Variants in SLX9 observed in about 807,000 individuals in gnomAD.
SLX9 encodes SLX9 ribosome biogenesis factor.
Under a neutral mutation model 20.8 loss-of-function variants are expected in SLX9, and 19 were observed. That is an observed-to-expected ratio of 0.91 (90% CI 0.64 to 1.34). SLX9 has a LOEUF of 1.34. SLX9 is among the 40% of genes most tolerant of loss of function. The pLI is 0.00. For missense variants in SLX9, 299 were observed against 322.2 expected (o/e 0.93, Z 0.55); for synonymous variants, 113 against 137.1 (o/e 0.82, Z 1.23).
At position 44,946,407 on chromosome 21, in the gene SLX9, T is replaced by C. The variant is rs796795420; in HGVS notation, c.283+2570T>C. Among the ~76,000 whole-genome samples, 4 of 152,216 alleles carry C rather than the reference T, an allele frequency of 2.6e-5. No homozygotes were observed. The South Asian group carries it at 6.2e-4, about 24-fold the overall frequency. On this transcript the variant is annotated intron_variant, in intron 2 of 5. Coordinates refer to ENST00000291634, the MANE Select transcript of SLX9 (RefSeq NM_058190.4). ...CCTGCTTGTGTGCAGGTGTTTCCCATAGCCCGCCTTGAGGGGCACGAGGAT... is the reference window on the plus strand; with the variant it reads ...CCTGCTTGTGTGCAGGTGTTTCCCACAGCCCGCCTTGAGGGGCACGAGGAT...
Position 44,943,716 on chromosome 21 carries a change from C to G in SLX9, c.162C>G (p.Ala54=). 2 of 1,614,146 alleles carry G rather than the reference C, an allele frequency of 1.2e-6. No homozygotes were observed. Among genetic ancestry groups the G allele is most frequent in the Non-Finnish European group, 1.7e-6 (2 of 1,180,012 alleles). The change falls in exon 2 of 6, where the codon GCC becomes GCG. Residue 54 remains alanine, a synonymous_variant. Coordinates refer to ENST00000291634, the MANE Select transcript of SLX9 (RefSeq NM_058190.4). ...CGTTCATCAACACCAACATCTTTGCCAGGACCAAGATAGACCCCAGCGCCT... is the reference window on the plus strand; with the variant it reads ...CGTTCATCAACACCAACATCTTTGCGAGGACCAAGATAGACCCCAGCGCCT... ...DWAFINTNIF[A]RTKIDPSALV...
chr21:44,973,070 TGCAGTGGTTTG>T (rs1417213087), intron 4 of SLX9, 116 bp from the exon 5 acceptor site: 1 of 613,166 alleles, frequency 1.6e-6, no homozygotes, highest in Non-Finnish European at 2.3e-6. Flanking sequence ...CTTGTGGTTC[TGCAGTGGTTTG>T]GTCACCTCTG....
In SLX9 at chr21:44,948,935, C is replaced by T. The variant is rs142053666; in HGVS notation, c.283+5098C>T. ...GTGGGGTCCGGCCATTGCAGGCCAG[C>T]GCCAAGCCACCCTCAGCCCCCGCCT... On this transcript the variant is annotated intron_variant, in intron 2 of 5. Coordinates refer to ENST00000291634, the MANE Select transcript of SLX9 (RefSeq NM_058190.4). Among the ~76,000 whole-genome samples the T allele has an allele frequency of 5.5e-4, 84 of 152,298 alleles. 2 individuals are homozygous for T. Among genetic ancestry groups the T allele is most frequent in the African/African-American group, 2.0e-3 (82 of 41,572 alleles).
intron 4 of SLX9, among the ~76,000 whole-genome samples, chr21:44,970,845 C>T (rs1293766252): frequency 1.3e-5 from 2 of 152,196 alleles, no homozygotes; most frequent in African/African-American, 4.8e-5. Flanking sequence ...GCATTGGGTC[C>T]TTGCCCCACG....
intron 2 of SLX9, chr21:44,959,361 T>G: frequency 1.5e-6 from 1 of 649,284 alleles, no homozygotes; most frequent in Non-Finnish European, 1.9e-6. Flanking sequence ...GGGGTGCCCT[T>G]GAGTCCACTC....
At chr21:44,961,002 G>T (rs568528245) in intron 3 of SLX9, among the ~76,000 whole-genome samples, 2 of 152,294 alleles carry the variant, frequency 1.3e-5, no homozygotes, top group African/African-American at 4.8e-5. Context: ...TTTTTCAGAG[G>T]TAGGACCTAG....
At chr21:44,940,211 G>A in intron 1 of SLX9, 25 bp downstream of exon 1, 2 of 1,221,996 alleles carry the variant, frequency 1.6e-6, no homozygotes, top group Non-Finnish European at 1.0e-6. Flanking sequence ...CGCTGGCCGG[G>A]GGCTGCCGCG....
intron 3 of SLX9, among the ~76,000 whole-genome samples, chr21:44,965,942 G>A (rs768718121): frequency 7.9e-5 from 12 of 152,260 alleles, no homozygotes; most frequent in South Asian, 4.1e-4. Flanking sequence ...TGGAGTAAGC[G>A]CTGGATTCTT....
In SLX9 at chr21:44,967,080, G is replaced by C. The variant is rs1449347303; in HGVS notation, c.399G>C (p.Arg133=). The part of the protein sequence containing the change: ...KLAEQKHREE[R]RRRATVVVGD... Reference sequence around the variant, plus strand: ...CTGAGCAGAAGCACAGGGAGGAGCGGAGGCGGAGGGCCACGGTGGTGGTGG... The same window carrying C: ...CTGAGCAGAAGCACAGGGAGGAGCGCAGGCGGAGGGCCACGGTGGTGGTGG... The change falls in exon 4 of 6, where the codon CGG becomes CGC. Residue 133 remains arginine (R), a synonymous_variant. Coordinates refer to ENST00000291634, the MANE Select transcript of SLX9 (RefSeq NM_058190.4). 6.2e-7 allele frequency: 1 copy of C among 1,611,666 alleles called. No individual in the cohort carries two copies. Among genetic ancestry groups the C allele is most frequent in the Non-Finnish European group, 8.5e-7 (1 of 1,179,702 alleles).
chr21:44,966,405 A>T (rs147714799), intron 3 of SLX9, among the ~76,000 whole-genome samples: 6 of 152,340 alleles, frequency 3.9e-5, no homozygotes, highest in Admixed American at 3.9e-4. Context: ...TCCAGGAGCC[A>T]CGTGCAGTGA....
intron 3 of SLX9, among the ~76,000 whole-genome samples, chr21:44,964,361 T>C (rs1425512185): frequency 6.6e-6 from 1 of 152,196 alleles, no homozygotes; most frequent in African/African-American, 2.4e-5. Context: ...CCCCAATATG[T>C]GTTGAAATTT....
At chr21:44,959,132 T>A (rs2084910027) in intron 2 of SLX9, 1 of 873,938 alleles carries the variant, frequency 1.1e-6, no homozygotes, top group South Asian at 5.3e-5. Context: ...CTTGGAGGTT[T>A]CACACCGGCT....
chr21:44,967,010 C>G, intron 3 of SLX9, 24 bp from the exon 4 acceptor site: 1 of 1,595,454 alleles, frequency 6.3e-7, no homozygotes, highest in Non-Finnish European at 8.5e-7. Context: ...TTGTTTGCCT[C>G]TAACGTCGTT....
intron 3 of SLX9, 109 bp downstream of exon 3, chr21:44,960,277 G>A (rs1194538240): frequency 4.4e-5 from 46 of 1,049,808 alleles, no homozygotes; most frequent in Middle Eastern, 2.0e-4. Flanking sequence ...CACACTCCCC[G>A]AGGAGTGCCC....
intron 3 of SLX9, among the ~76,000 whole-genome samples, chr21:44,962,682 C>G (rs2084966167): frequency 1.3e-5 from 2 of 152,116 alleles, no homozygotes; most frequent in Non-Finnish European, 2.9e-5. Context: ...TGGGTAAGTG[C>G]TGAGGAATGG....
intron 2 of SLX9, among the ~76,000 whole-genome samples, chr21:44,957,837 G>A (rs552569071): frequency 2.6e-5 from 4 of 152,272 alleles, no homozygotes; most frequent in South Asian, 4.1e-4. Context: ...GGACTTGCCC[G>A]TCTCCTGACA....
chr21:44,971,299 G>C (rs113743367), intron 4 of SLX9, among the ~76,000 whole-genome samples: 3 of 152,310 alleles, frequency 2.0e-5, no homozygotes, highest in African/African-American at 7.2e-5. Context: ...GCCTCGTGGA[G>C]TCGCGTCCCT....
chr21:44,968,319 C>T (rs1248536053), intron 4 of SLX9, among the ~76,000 whole-genome samples: 1 of 152,198 alleles, frequency 6.6e-6, no homozygotes, highest in Non-Finnish European at 1.5e-5. Context: ...CCCGGTGACG[C>T]AACCCCACCA....
At chr21:44,955,827 G>A (rs2838744) in intron 2 of SLX9, among the ~76,000 whole-genome samples, 60,944 of 152,170 alleles carry the variant, frequency 0.4, 14,711 homozygotes, top group South Asian at 0.67. Flanking sequence ...TGAAAACGGA[G>A]TAAAGACATT....
Sources: allele counts gnomAD v4.1 joint callset (sites outside exome capture counted in the v4.1 genomes callset), GRCh38; gene constraint gnomAD v4.1.1; transcripts MANE v1.5; gene names NCBI Gene and HGNC (gene_info 2026-07-23, HGNC 2026-07-21).